The following UNC5C variants were observed in gnomAD, a reference collection of about 807,000 sequenced individuals.
UNC5C encodes the protein netrin receptor UNC5C.
A neutral mutation model predicts 99.8 loss-of-function variants in UNC5C; 47 were observed. That is an observed-to-expected ratio of 0.47 (90% CI 0.37 to 0.60). The LOEUF (loss-of-function observed/expected upper bound fraction) is 0.60, where lower values mean the gene tolerates loss of function less well. Among genes scored for constraint, UNC5C ranks in the 20% least tolerant of loss-of-function variants. The pLI is 0.00. For synonymous variants in UNC5C, 487 were observed against 452.2 expected (o/e 1.08, Z -0.98); for missense variants, 1,062 against 1,165.9 (o/e 0.91, Z 1.30).
In UNC5C at chr4:95,164,394, A is replaced by G. The variant is rs1735786674; in HGVS notation, c.*4840T>C. 6.6e-6 allele frequency: 1 copy of G among 152,260 alleles called. No homozygotes were observed. Among genetic ancestry groups the G allele is most frequent in the South Asian group, 2.1e-4 (1 of 4,834 alleles). The allele number at this position is 152,260 out of a possible 1,614,324, so 9.4% of individuals were successfully genotyped here. ...ATCTTCCAAAGTGATCATTACAGCC[A>G]GAGATTATACAAATAGATATCTTAG... On this transcript the variant is annotated 3_prime_UTR_variant, in exon 16 of 16. Coordinates refer to ENST00000453304, the MANE Select transcript of UNC5C (RefSeq NM_003728.4).
chr4:95,321,111 A>C (rs1447526278), intron 2 of UNC5C, among the ~76,000 whole-genome samples: 2 of 152,336 alleles, frequency 1.3e-5, no homozygotes, highest in East Asian at 3.9e-4. Context: ...AAAATTTTCT[A>C]TACAGTATGA....
intron 1 of UNC5C, among the ~76,000 whole-genome samples, chr4:95,514,313 C>T (rs1722156076): frequency 6.6e-6 from 1 of 152,112 alleles, no homozygotes; most frequent in Admixed American, 6.5e-5. Context: ...CAGAAATAAT[C>T]TAGGCTCCTT....
intron 1 of UNC5C, among the ~76,000 whole-genome samples, chr4:95,462,623 T>A (rs1326831694): frequency 6.6e-6 from 1 of 152,190 alleles, no homozygotes; most frequent in East Asian, 1.9e-4. Context: ...AAATAAGACT[T>A]AACTGCTGTA....
At chr4:95,171,225 CTTTT>C (rs1048391744) in intron 14 of UNC5C, among the ~76,000 whole-genome samples, 1 of 148,546 alleles carries the variant, frequency 6.7e-6, no homozygotes, top group East Asian at 2.0e-4. Context: ...TTTTTTTTTT[CTTTT>C]TTATTTATTT....
At chr4:95,354,472 T>C (rs1744099784) in intron 1 of UNC5C, among the ~76,000 whole-genome samples, 1 of 112,250 alleles carries the variant, frequency 8.9e-6, no homozygotes, top group Admixed American at 8.5e-5. Flanking sequence ...CTCTTCCATA[T>C]ATATATATTT....
At chr4:95,172,713 G>A (rs561199548) in intron 14 of UNC5C, among the ~76,000 whole-genome samples, 12 of 151,838 alleles carry the variant, frequency 7.9e-5, no homozygotes, top group African/African-American at 2.4e-4. Context: ...GGATTGACTT[G>A]GCAATGCGGG....
chr4:95,328,511 T>C (rs372051702), intron 2 of UNC5C, among the ~76,000 whole-genome samples: 4 of 141,098 alleles, frequency 2.8e-5, no homozygotes, highest in African/African-American at 1.0e-4. Flanking sequence ...TTGTGAATAA[T>C]GCCTCAATAA....
chr4:95,504,191 TCCTGGTCCTCC>T (rs2149485227), intron 1 of UNC5C, among the ~76,000 whole-genome samples: 1 of 152,264 alleles, frequency 6.6e-6, no homozygotes, highest in South Asian at 2.1e-4. Context: ...AGATGGCACT[TCCTGGTCCTCC>T]AGTTTTTGGC....
chr4:95,182,109 G>A (rs1449028177), intron 14 of UNC5C, among the ~76,000 whole-genome samples: 1 of 152,056 alleles, frequency 6.6e-6, no homozygotes, highest in African/African-American at 2.4e-5. Flanking sequence ...TCAAGGCTTT[G>A]GATCCAAGGT....
At chr4:95,278,132 G>T in intron 4 of UNC5C, 127 bp downstream of exon 4, 1 of 757,414 alleles carries the variant, frequency 1.3e-6, no homozygotes, top group Non-Finnish European at 2.2e-6. Context: ...GCAGCAGGCA[G>T]TTAGGACTCT....
chr4:95,170,980 A>G (rs950802767), intron 14 of UNC5C, among the ~76,000 whole-genome samples: 1 of 152,240 alleles, frequency 6.6e-6, no homozygotes, highest in East Asian at 1.9e-4. Context: ...ATTGCTGTAT[A>G]TCCTTATTTT....
chr4:95,292,212 T>TAC (rs1167607260), intron 3 of UNC5C, among the ~76,000 whole-genome samples: 7 of 57,020 alleles, frequency 1.2e-4, no homozygotes, highest in South Asian at 8.4e-4. Flanking sequence ...TATATACATA[T>TAC]ATATACACAC....
intron 14 of UNC5C, among the ~76,000 whole-genome samples, chr4:95,171,906 T>G (rs1289446362): frequency 2.6e-5 from 4 of 151,880 alleles, no homozygotes; most frequent in South Asian, 4.2e-4. Context: ...ACCTGTCGTT[T>G]CCTGACTTTT....
intron 2 of UNC5C, among the ~76,000 whole-genome samples, chr4:95,319,470 A>G (rs1471153235): frequency 2.0e-5 from 3 of 152,222 alleles, no homozygotes; most frequent in East Asian, 3.8e-4. Context: ...ATTGCAAGAT[A>G]CTGTATTTCC....
At chr4:95,184,951 A>G in intron 13 of UNC5C, 96 bp downstream of exon 13, 1 of 1,317,544 alleles carries the variant, frequency 7.6e-7, no homozygotes, top group Non-Finnish European at 1.0e-6. Context: ...ATGACATATG[A>G]TTAATTTCAA....
At chr4:95,498,522 T>TA (rs1721687238) in intron 1 of UNC5C, among the ~76,000 whole-genome samples, 1 of 152,036 alleles carries the variant, frequency 6.6e-6, no homozygotes, top group Admixed American at 6.6e-5. Context: ...CTCTAAAAAG[T>TA]AAAAAGTGTA....
chr4:95,331,325 G>A (rs1052992634), intron 2 of UNC5C, among the ~76,000 whole-genome samples: 7 of 152,038 alleles, frequency 4.6e-5, no homozygotes, highest in African/African-American at 1.7e-4. Context: ...TTTCCTTTGG[G>A]TAGATGCCAA....
chr4:95,278,469 T>TC, intron 3 of UNC5C, 107 bp from the exon 4 acceptor site: 1 of 834,776 alleles, frequency 1.2e-6, no homozygotes, highest in Non-Finnish European at 1.9e-6. Flanking sequence ...TGCTTTTTTT[T>TC]CTTTCTTTTT....
At chr4:95,400,667 A>C (rs1745663835) in intron 1 of UNC5C, among the ~76,000 whole-genome samples, 1 of 152,128 alleles carries the variant, frequency 6.6e-6, no homozygotes, top group Admixed American at 6.5e-5. Context: ...CTGGGATTAC[A>C]GGCGTGAGCC....
Sources: gnomAD v4.1 joint callset for allele counts (sites outside exome capture counted in the v4.1 genomes callset) on GRCh38, gnomAD v4.1.1 for gene constraint, MANE v1.5 for transcripts, NCBI Gene and HGNC (gene_info 2026-07-23, HGNC 2026-07-21) for gene names.